Variants in PDIA5 observed in about 807,000 individuals in gnomAD.
The protein encoded by PDIA5 is protein disulfide isomerase family A member 5, also known as protein disulfide-isomerase A5.
Under a neutral mutation model 77.6 loss-of-function variants are expected in PDIA5, and 58 were observed. The ratio of observed to expected loss-of-function variants is 0.75; its 90% confidence interval spans 0.61 to 0.93. The LOEUF is 0.93. Among genes scored for constraint, PDIA5 ranks in the 40% least tolerant of loss-of-function variants. PDIA5 has a pLI of 0.00. For synonymous variants in PDIA5, 250 were observed against 252.1 expected (o/e 0.99, Z 0.08); for missense variants, 630 against 647.7 (o/e 0.97, Z 0.30).
At chr3:123,134,353 T>A (rs1181729019) in intron 11 of PDIA5, among the ~76,000 whole-genome samples, 1 of 152,164 alleles carries the variant, frequency 6.6e-6, no homozygotes, top group Non-Finnish European at 1.5e-5. Context: ...CTCTGACCTG[T>A]GCCACCCCAG....
At chr3:123,142,564 C>A (rs1412481390) in intron 11 of PDIA5, among the ~76,000 whole-genome samples, 1 of 152,258 alleles carries the variant, frequency 6.6e-6, no homozygotes, top group Non-Finnish European at 1.5e-5. Context: ...CCAAAGTCAT[C>A]TAACCCTATG....
chr3:123,109,903 T>G (rs1934822621), intron 6 of PDIA5, among the ~76,000 whole-genome samples: 1 of 152,268 alleles, frequency 6.6e-6, no homozygotes, highest in Non-Finnish European at 1.5e-5. Context: ...TTTATCGGTT[T>G]TAATGATGCA....
chr3:123,092,477 G>A (rs374835728), intron 3 of PDIA5, 35 bp downstream of exon 3: 20 of 1,464,980 alleles, frequency 1.4e-5, no homozygotes, highest in Non-Finnish European at 1.8e-5. Flanking sequence ...GGTGGCTGCT[G>A]GGCAGAGGGG....
At chr3:123,082,489 C>G (rs1212724125) in intron 1 of PDIA5, among the ~76,000 whole-genome samples, 1 of 152,002 alleles carries the variant, frequency 6.6e-6, no homozygotes, top group Admixed American at 6.6e-5. Context: ...GAAGTGTGCT[C>G]TAAATGTGCC....
chr3:123,155,679 T>A (rs1197569470), intron 15 of PDIA5, among the ~76,000 whole-genome samples: 2 of 152,214 alleles, frequency 1.3e-5, no homozygotes, highest in Non-Finnish European at 2.9e-5. Flanking sequence ...TTCTCATCCA[T>A]GCCAGGCGGA....
At chr3:123,154,802 G>A (rs368579854) in intron 14 of PDIA5, among the ~76,000 whole-genome samples, 169 bp from the exon 15 acceptor site, 2 of 152,240 alleles carry the variant, frequency 1.3e-5, no homozygotes, top group South Asian at 4.1e-4. Flanking sequence ...ATCAGACATG[G>A]GTGGGAGGTG....
At chr3:123,112,435 G>GC (rs1010179031) in intron 7 of PDIA5, among the ~76,000 whole-genome samples, 15 of 150,532 alleles carry the variant, frequency 1.0e-4, no homozygotes, top group Non-Finnish European at 1.9e-4. Flanking sequence ...TGGGGATGAC[G>GC]CCCCCCAGCC....
At chr3:123,095,749 C>CAAAAA (rs61654925) in intron 3 of PDIA5, among the ~76,000 whole-genome samples, 1 of 86,710 alleles carries the variant, frequency 1.2e-5, no homozygotes, top group African/African-American at 3.9e-5. Flanking sequence ...AACTCTGTCT[C>CAAAAA]AAAAAAAAAA....
chr3:123,154,823 C>T (rs2107992107), intron 14 of PDIA5, 148 bp from the exon 15 acceptor site: 1 of 668,710 alleles, frequency 1.5e-6, no homozygotes, highest in Non-Finnish European at 2.7e-6. Context: ...GTTAGAGTGG[C>T]AAGGTTGACA....
At chr3:123,077,549 T>TACACACACAC (rs368009624) in intron 1 of PDIA5, among the ~76,000 whole-genome samples, 1 of 136,414 alleles carries the variant, frequency 7.3e-6, no homozygotes, top group Non-Finnish European at 1.6e-5. Flanking sequence ...CTCACACACA[T>TACACACACAC]ACACACACAC....
chr3:123,105,262 C>T (rs537472766), intron 5 of PDIA5, among the ~76,000 whole-genome samples: 1 of 152,236 alleles, frequency 6.6e-6, no homozygotes, highest in Non-Finnish European at 1.5e-5. Flanking sequence ...GCTTCACCGA[C>T]TCCTGAAGTC....
intron 3 of PDIA5, among the ~76,000 whole-genome samples, chr3:123,100,986 G>A (rs962098024): frequency 2.0e-5 from 3 of 152,184 alleles, no homozygotes; most frequent in African/African-American, 4.8e-5. Context: ...TTGGGTAGCC[G>A]AGATGCCCTT....
Position 123,110,174 on chromosome 3 carries a change from C to T in PDIA5, c.481-770C>T, listed in dbSNP as rs553651623. Among the ~76,000 whole-genome samples the T allele has an allele frequency of 2.6e-5, 4 of 152,358 alleles. No homozygotes were observed. In the East Asian group the frequency reaches 7.7e-4, roughly 29 times the overall value. On this transcript the variant is annotated intron_variant, in intron 6 of 16. Coordinates refer to ENST00000316218, the MANE Select transcript of PDIA5 (RefSeq NM_006810.4). The stretch of plus-strand genomic sequence containing the variant: ...TTGGAAGAAAAGTCTCTACCCTGTT[C>T]ACACACTCAAGTCTTTACATGAGCA...
intron 13 of PDIA5, among the ~76,000 whole-genome samples, chr3:123,149,206 A>G (rs1019943990): frequency 2.6e-5 from 4 of 152,198 alleles, no homozygotes; most frequent in African/African-American, 9.6e-5. Flanking sequence ...TTGAGGTTAC[A>G]ATGGGACTTC....
At chr3:123,147,721 G>T (rs182387555) in intron 13 of PDIA5, among the ~76,000 whole-genome samples, 2 of 152,212 alleles carry the variant, frequency 1.3e-5, no homozygotes, top group African/African-American at 4.8e-5. Flanking sequence ...GAAAATGATG[G>T]TTTGCCTCTG....
chr3:123,157,726 C>T (rs1936051526), intron 15 of PDIA5, among the ~76,000 whole-genome samples: 1 of 152,214 alleles, frequency 6.6e-6, no homozygotes, highest in Non-Finnish European at 1.5e-5. Flanking sequence ...CATATTTTAG[C>T]AGGGGAGCCT....
intron 3 of PDIA5, among the ~76,000 whole-genome samples, chr3:123,097,177 G>C (rs1171653684): frequency 6.6e-6 from 1 of 152,182 alleles, no homozygotes; most frequent in African/African-American, 2.4e-5. Flanking sequence ...TTTAGCATTT[G>C]CTCCTAAGCA....
chr3:123,117,374 T>TTTTATATATATATATATATATATATATA (rs1553800660), intron 8 of PDIA5, among the ~76,000 whole-genome samples: 3 of 79,868 alleles, frequency 3.8e-5, no homozygotes, highest in African/African-American at 1.4e-4. Context: ...TTCTATGATT[T>TTTTATATATATATATATATATATATATA]TATATATATA....
chr3:123,080,404 A>G (rs1331992291), intron 1 of PDIA5, among the ~76,000 whole-genome samples: 2 of 152,208 alleles, frequency 1.3e-5, no homozygotes, highest in Non-Finnish European at 2.9e-5. Flanking sequence ...TCAACTCTGA[A>G]TTGAAAGAGA....
Sources: allele counts gnomAD v4.1 joint callset (sites outside exome capture counted in the v4.1 genomes callset), GRCh38; gene constraint gnomAD v4.1.1; transcripts MANE v1.5; gene names NCBI Gene and HGNC (gene_info 2026-07-23, HGNC 2026-07-21).